The following CD86 variants were observed in gnomAD, a reference collection of about 807,000 sequenced individuals.
CD86 encodes CD86 molecule.
In CD86, 11 loss-of-function variants were observed where a neutral mutation model predicts 32.1. That is an observed-to-expected ratio of 0.34 (90% CI 0.22 to 0.57). The LOEUF is 0.57. CD86 is among the 20% of genes least tolerant of loss of function. The pLI is 0.86. For synonymous variants in CD86, 137 were observed against 135.3 expected (o/e 1.01, Z -0.09); for missense variants, 359 against 398.4 (o/e 0.90, Z 0.84).
chr3:122,108,097 G>A (rs1163420329), intron 4 of CD86, among the ~76,000 whole-genome samples: 1 of 152,178 alleles, frequency 6.6e-6, no homozygotes, highest in East Asian at 1.9e-4. Context: ...ACAGGGGCTT[G>A]CCACCACTAT....
intron 2 of CD86, among the ~76,000 whole-genome samples, chr3:122,099,292 T>C (rs1256898737): frequency 6.8e-6 from 1 of 146,936 alleles, no homozygotes; most frequent in African/African-American, 2.5e-5. Context: ...TTGGCCATGG[T>C]GTGAAGTCAC....
intron 1 of CD86, among the ~76,000 whole-genome samples, chr3:122,064,202 T>C (rs1197669025): frequency 6.6e-6 from 1 of 151,096 alleles, no homozygotes; most frequent in Non-Finnish European, 1.5e-5. Context: ...TAGCTGCTCC[T>C]AAGGTGGGGA....
chr3:122,070,479 G>A (rs1371800404), intron 1 of CD86, among the ~76,000 whole-genome samples: 2 of 151,974 alleles, frequency 1.3e-5, no homozygotes, highest in East Asian at 3.9e-4. Context: ...CAAAATTTTG[G>A]CTCACACAAA....
rs1456430208 is a variant in CD86 at position 122,103,569 on chromosome 3, A to T, written c.122A>T (p.Gln41Leu). 1 of 1,613,934 alleles carries T rather than the reference A, an allele frequency of 6.2e-7. No homozygotes were observed. Among genetic ancestry groups the T allele is most frequent in the Admixed American group, 1.7e-5 (1 of 60,014 alleles). ...AATGAGACTGCAGACCTGCCATGCC[A>T]ATTTGCAAACTCTCAAAACCAAAGC... is the stretch of plus-strand genomic sequence containing the variant. ...YFNETADLPC[Q>L]FANSQNQSLS... The change falls in exon 3 of 7, where the codon CAA becomes CTA. Residue 41 changes from glutamine to leucine, a missense_variant. Transcript: ENST00000330540.
chr3:122,107,477 G>A (rs1489815015), intron 4 of CD86, among the ~76,000 whole-genome samples: 1 of 152,158 alleles, frequency 6.6e-6, no homozygotes, highest in African/African-American at 2.4e-5. Context: ...CCACTAATAG[G>A]AGCCTGACAT....
At chr3:122,093,282 C>G (rs2072854574) in intron 2 of CD86, among the ~76,000 whole-genome samples, 1 of 152,126 alleles carries the variant, frequency 6.6e-6, no homozygotes, top group Non-Finnish European at 1.5e-5. Context: ...TCAGCCTCCC[C>G]AAGTGCTAGA....
intron 1 of CD86, among the ~76,000 whole-genome samples, chr3:122,081,635 G>GT (rs367980402): frequency 1.5e-3 from 222 of 152,340 alleles, no homozygotes; most frequent in Middle Eastern, 6.8e-3. Flanking sequence ...GAGGAAGACT[G>GT]TTAAACAGTG....
chr3:122,066,415 G>C lies in CD86; in HGVS notation c.14+10912G>C, dbSNP rs2072413936. Among the ~76,000 whole-genome samples the C allele has an allele frequency of 3.9e-5, 6 of 152,022 alleles. No homozygotes were observed. The South Asian group carries it at 1.2e-3, about 32-fold the overall frequency. Reference sequence around the variant, plus strand: ...CTGCTCAGCATTCTGTCCAAAAAAGGGACACTGACATCTCTCCAGCATTCT... The same window carrying C: ...CTGCTCAGCATTCTGTCCAAAAAAGCGACACTGACATCTCTCCAGCATTCT... On this transcript the variant is annotated intron_variant, in intron 1 of 6. Transcript: ENST00000330540.
chr3:122,112,747 T>C (rs1559914063), intron 5 of CD86, among the ~76,000 whole-genome samples: 1 of 152,198 alleles, frequency 6.6e-6, no homozygotes, highest in Admixed American at 6.5e-5. Flanking sequence ...TTGTCATGGG[T>C]ATAAAAGGAT....
At chr3:122,107,148 C>T (rs2073105203) in intron 4 of CD86, among the ~76,000 whole-genome samples, 1 of 152,058 alleles carries the variant, frequency 6.6e-6, no homozygotes, top group Non-Finnish European at 1.5e-5. Context: ...TAGGCAAGAT[C>T]CCTGAGGGTC....
At chr3:122,095,224 T>A (rs1165663268) in intron 2 of CD86, among the ~76,000 whole-genome samples, 2 of 150,802 alleles carry the variant, frequency 1.3e-5, no homozygotes, top group Admixed American at 1.3e-4. Flanking sequence ...CAGGCTAAAG[T>A]GCAATGGCAT....
At chr3:122,094,471 G>A (rs1417018945) in intron 2 of CD86, among the ~76,000 whole-genome samples, 1 of 152,154 alleles carries the variant, frequency 6.6e-6, no homozygotes, top group East Asian at 1.9e-4. Context: ...CATGACATCA[G>A]ATCAGAAAAT....
intron 1 of CD86, among the ~76,000 whole-genome samples, chr3:122,084,524 G>A (rs927706497): frequency 4.6e-5 from 7 of 152,222 alleles, no homozygotes; most frequent in Non-Finnish European, 7.3e-5. Context: ...CCTACAGGCT[G>A]TAGTTTGCTG....
At chr3:122,097,158 A>G (rs1251678187) in intron 2 of CD86, among the ~76,000 whole-genome samples, 2 of 152,176 alleles carry the variant, frequency 1.3e-5, no homozygotes, top group Non-Finnish European at 2.9e-5. Flanking sequence ...GGCAAAAAGA[A>G]TGGTTTCTCA....
At chr3:122,062,475 T>G (rs1266894615) in intron 1 of CD86, among the ~76,000 whole-genome samples, 3 of 152,204 alleles carry the variant, frequency 2.0e-5, no homozygotes, top group Non-Finnish European at 4.4e-5. Flanking sequence ...TGAGTAAACA[T>G]GATTTCTGTT....
chr3:122,112,003 C>T (rs1008858203), intron 5 of CD86, among the ~76,000 whole-genome samples: 1 of 152,190 alleles, frequency 6.6e-6, no homozygotes, highest in African/African-American at 2.4e-5. Flanking sequence ...TTTCCAATCT[C>T]TCTTCTCTTT....
At chr3:122,099,562 A>G (rs1576779005) in intron 2 of CD86, among the ~76,000 whole-genome samples, 1 of 152,206 alleles carries the variant, frequency 6.6e-6, no homozygotes, top group South Asian at 2.1e-4. Context: ...GAACTGCTCA[A>G]TTGCCCAGTT....
intron 1 of CD86, among the ~76,000 whole-genome samples, chr3:122,071,857 C>T (rs1056504634): frequency 5.3e-5 from 8 of 149,548 alleles, no homozygotes; most frequent in African/African-American, 2.0e-4. Flanking sequence ...GGAGGTAAAT[C>T]TCCTAATGCT....
At position 122,111,361 on chromosome 3, in the gene CD86, C is replaced by T. The variant is rs138400913; in HGVS notation, c.847+1953C>T. Among the ~76,000 whole-genome samples, 392 of 152,324 alleles carry T rather than the reference C, an allele frequency of 2.6e-3. 5 individuals are homozygous for T. Among genetic ancestry groups the T allele is most frequent in the East Asian group, 6.8e-3 (35 of 5,184 alleles). On this transcript the variant is annotated intron_variant, in intron 5 of 6. Transcript: ENST00000330540. ...AGGTAAAATAATGCCCCCCACAAGA[C>T]GTCCACCTCCTATACTCCAGAACCT...
Sources: allele counts gnomAD v4.1 joint callset (sites outside exome capture counted in the v4.1 genomes callset), GRCh38; gene constraint gnomAD v4.1.1; transcripts MANE v1.5; gene names NCBI Gene and HGNC (gene_info 2026-07-23, HGNC 2026-07-21).